TMEM233: variants seen among roughly 807,000 people sequenced by gnomAD.
The protein encoded by TMEM233 is transmembrane protein 233.
TMEM233 carries 6 observed loss-of-function variants against 11.2 expected under a neutral mutation model. That is an observed-to-expected ratio of 0.54 (90% confidence interval 0.29 to 1.06). TMEM233 has a LOEUF of 1.06. Ranked by LOEUF, TMEM233 falls within the 50% of genes least tolerant of loss-of-function variation. The pLI is 0.08. For synonymous variants in TMEM233, 59 were observed against 55.8 expected (o/e 1.06, Z -0.26); for missense variants, 127 against 144.7 (o/e 0.88, Z 0.63).
At position 119,594,604 on chromosome 12, in the gene TMEM233, T is replaced by C. The variant is rs1330876648; in HGVS notation, c.186+570T>C. 1.3e-5 allele frequency: 2 copies of C among 153,684 alleles called. No individual in the cohort carries two copies. The highest frequency in any genetic ancestry group is 4.8e-5 in the African/African-American group (2 of 41,468). The allele number at this position is 153,684 out of a possible 1,614,324, so 9.5% of individuals were successfully genotyped here. ...ACTCTCCGGGGGGTCCCCAGGCGAT[T>C]CCTGATGCCCCCTCCTTGATCCCGT... On this transcript the variant is annotated intron_variant, in intron 1 of 2. Transcript: ENST00000426426. This position sits in a 1 kb window ranked among gnomAD's most constrained non-coding sequence, Gnocchi z 5.6.
intron 1 of TMEM233, among the ~76,000 whole-genome samples, chr12:119,603,517 GA>G (rs1343125245): frequency 6.6e-6 from 1 of 152,202 alleles, no homozygotes; most frequent in African/African-American, 2.4e-5. Flanking sequence ...GCCCAGGTAG[GA>G]CTCACATCCT....
downstream of TMEM233, among the ~76,000 whole-genome samples, chr12:119,644,296 C>A (rs534725195): frequency 6.6e-6 from 1 of 151,814 alleles, no homozygotes; most frequent in African/African-American, 2.4e-5. Context: ...ATTGAGGGTG[C>A]GGGAAGGATG....
At chr12:119,600,960 A>G (rs1335355369) in intron 1 of TMEM233, among the ~76,000 whole-genome samples, 1 of 152,218 alleles carries the variant, frequency 6.6e-6, no homozygotes, top group Non-Finnish European at 1.5e-5. Flanking sequence ...TGTATATTTT[A>G]CCACAATAAA....
At chr12:119,606,779 T>C (rs1168389754) in intron 1 of TMEM233, among the ~76,000 whole-genome samples, 1 of 152,240 alleles carries the variant, frequency 6.6e-6, no homozygotes, top group Non-Finnish European at 1.5e-5. Context: ...ACATAAAGCA[T>C]GGTGCCTAGC....
chr12:119,606,772 T>C (rs1954288852), intron 1 of TMEM233, among the ~76,000 whole-genome samples: 1 of 152,236 alleles, frequency 6.6e-6, no homozygotes, highest in Non-Finnish European at 1.5e-5. Context: ...TTCCTAAACA[T>C]AAAGCATGGT....
intron 2 of TMEM233, among the ~76,000 whole-genome samples, chr12:119,639,666 G>A (rs2136804271): frequency 6.6e-6 from 1 of 152,172 alleles, no homozygotes; most frequent in South Asian, 2.1e-4. Flanking sequence ...TTACAAGTTA[G>A]ACTGCTGGAG....
intron 1 of TMEM233, among the ~76,000 whole-genome samples, chr12:119,621,461 G>T (rs190047118): frequency 2.0e-5 from 3 of 152,252 alleles, no homozygotes; most frequent in African/African-American, 7.2e-5. Context: ...GGGATTACAG[G>T]TATGAGCCAC....
At chr12:119,648,423 C>T in the TMEM233 span, among the ~76,000 whole-genome samples, 2 of 152,142 alleles carry the variant, frequency 1.3e-5, no homozygotes, top group Non-Finnish European at 2.9e-5. Flanking sequence ...GTTCTTTTCC[C>T]CATGTGCCCT....
intron 1 of TMEM233, among the ~76,000 whole-genome samples, chr12:119,603,453 G>A (rs1954206572): frequency 6.6e-6 from 1 of 152,192 alleles, no homozygotes; most frequent in African/African-American, 2.4e-5. Context: ...TCTGGCTTAT[G>A]TGTGAATGTC....
rs1593269876 is a variant in TMEM233, at chr12:119,595,117, C to T, written c.186+1083C>T. Among the ~76,000 whole-genome samples, 1 of 152,234 alleles carries T rather than the reference C, an allele frequency of 6.6e-6. No individual in the cohort carries two copies. Among genetic ancestry groups the T allele is most frequent in the East Asian group, 1.9e-4 (1 of 5,182 alleles). On this transcript the variant is annotated intron_variant, in intron 1 of 2. Coordinates refer to ENST00000426426, the MANE Select transcript of TMEM233 (RefSeq NM_001136534.3). This position sits in a 1 kb window ranked among gnomAD's most constrained non-coding sequence, Gnocchi z 4.3. ...CCTCTTCAACCCTGGTAGGAACACCCGAGCGAACCCCACCAGGAGGGCGAC... is the reference window on the plus strand; with the variant it reads ...CCTCTTCAACCCTGGTAGGAACACCTGAGCGAACCCCACCAGGAGGGCGAC...
intron 1 of TMEM233, among the ~76,000 whole-genome samples, chr12:119,622,230 C>A (rs964385532): frequency 6.6e-6 from 1 of 151,952 alleles, no homozygotes; most frequent in Admixed American, 6.6e-5. Flanking sequence ...ATTATTCATG[C>A]GGGGAAAAAA....
intron 1 of TMEM233, among the ~76,000 whole-genome samples, chr12:119,598,478 C>CCAATAGGT (rs1239585599): frequency 6.6e-6 from 1 of 152,178 alleles, no homozygotes; most frequent in Non-Finnish European, 1.5e-5. Context: ...CTCACACCTA[C>CCAATAGGT]CAATAGGTGT....
chr12:119,602,239 G>A (rs972247067), intron 1 of TMEM233, among the ~76,000 whole-genome samples: 1 of 152,222 alleles, frequency 6.6e-6, no homozygotes, highest in African/African-American at 2.4e-5. Flanking sequence ...TCAGCTAGGT[G>A]TAGGGAGAAG....
intron 1 of TMEM233, among the ~76,000 whole-genome samples, chr12:119,628,454 C>CCCGG (rs915909346): frequency 1.3e-5 from 2 of 150,562 alleles, no homozygotes; most frequent in African/African-American, 4.9e-5. Context: ...AGCCAGCACG[C>CCCGG]CCGGCCTAAA....
chr12:119,596,876 G>A (rs976035951), intron 1 of TMEM233, among the ~76,000 whole-genome samples: 1 of 152,190 alleles, frequency 6.6e-6, no homozygotes, highest in Non-Finnish European at 1.5e-5. Flanking sequence ...CAAAACTGTT[G>A]TAAGGATGAA....
intron 2 of TMEM233, among the ~76,000 whole-genome samples, chr12:119,640,302 C>A (rs1322282502): frequency 1.3e-5 from 2 of 152,062 alleles, no homozygotes; most frequent in Non-Finnish European, 2.9e-5. Flanking sequence ...CTACAGGCAC[C>A]CGCCACCACG....
At chr12:119,651,975 C>T in the TMEM233 span, among the ~76,000 whole-genome samples, 81 of 151,702 alleles carry the variant, frequency 5.3e-4, no homozygotes, top group African/African-American at 1.9e-3. Flanking sequence ...CATAAATCAA[C>T]AAAAGCATAG....
At chr12:119,639,766 G>A (rs1231692932) in intron 2 of TMEM233, among the ~76,000 whole-genome samples, 6 of 152,136 alleles carry the variant, frequency 3.9e-5, no homozygotes, top group Non-Finnish European at 8.8e-5. Flanking sequence ...TACATAAAAT[G>A]GGGATAATAA....
downstream of TMEM233, among the ~76,000 whole-genome samples, chr12:119,645,980 G>A (rs1373922290): frequency 2.0e-5 from 3 of 152,086 alleles, no homozygotes; most frequent in African/African-American, 4.8e-5. Flanking sequence ...CCAAGAAAGA[G>A]GACCTAAAGC....
Sources: allele counts gnomAD v4.1 joint callset (sites outside exome capture counted in the v4.1 genomes callset), GRCh38; gene constraint gnomAD v4.1.1; non-coding constraint Gnocchi (gnomAD v3.1); transcripts MANE v1.5; gene names NCBI Gene and HGNC (gene_info 2026-07-23, HGNC 2026-07-21).